CHD9: variants seen among roughly 807,000 people sequenced by gnomAD.
CHD9 encodes chromodomain helicase DNA binding protein 9, also known as ATP-dependent chromatin remodeler CHD9.
CHD9 carries 77 observed loss-of-function variants against 316.1 expected under a neutral mutation model. The ratio of observed to expected loss-of-function variants is 0.24; its 90% CI spans 0.20 to 0.29. CHD9 has a LOEUF of 0.29. CHD9 is among the 10% of genes least tolerant of loss of function. The pLI is 1.00. For missense variants in CHD9, 2,763 were observed against 3,438.1 expected (o/e 0.80, Z 4.91); for synonymous variants, 1,129 against 1,158.3 (o/e 0.97, Z 0.51).
At chr16:53,237,806 A>C (rs2048757090) in intron 11 of CHD9, among the ~76,000 whole-genome samples, 1 of 150,230 alleles carries the variant, frequency 6.7e-6, no homozygotes, top group South Asian at 2.1e-4. Context: ...TACTCATTGA[A>C]TCAGAATGTA....
chr16:53,144,446 A>G (rs1361329592), intron 1 of CHD9, among the ~76,000 whole-genome samples: 1 of 152,142 alleles, frequency 6.6e-6, no homozygotes, highest in African/African-American at 2.4e-5. Flanking sequence ...GTTTTGGGGC[A>G]ATAAAATTTC....
chr16:53,287,920 A>T (rs976840532), intron 26 of CHD9, 37 bp from the exon 27 acceptor site: 1 of 1,498,044 alleles, frequency 6.7e-7, no homozygotes, highest in Non-Finnish European at 9.3e-7. Context: ...TCTTAAGTCC[A>T]TTACAGTAAT....
chr16:53,120,528 G>A (rs758069183), intron 1 of CHD9, among the ~76,000 whole-genome samples: 11 of 151,540 alleles, frequency 7.3e-5, no homozygotes, highest in Non-Finnish European at 1.2e-4. Context: ...CAGGAGAATC[G>A]CTTGAAACCG....
chr16:53,127,870 G>C (rs1176990989), intron 1 of CHD9, among the ~76,000 whole-genome samples: 1 of 149,710 alleles, frequency 6.7e-6, no homozygotes, highest in Non-Finnish European at 1.5e-5. Flanking sequence ...GGTGTCCCGG[G>C]AGGTGGAGAT....
Position 53,254,464 on chromosome 16 carries a change from T to C in CHD9, c.3888T>C (p.Gly1296=). 1 of 1,598,804 alleles carries C rather than the reference T, an allele frequency of 6.3e-7. No homozygotes were observed. ...LQAQARCHRI[G]QNKAVKVYRL... ...CCCAAGCTCGTTGCCACAGAATTGG[T>C]CAGAACAAAGCAGTTAAAGTCTACA... The change falls in exon 18 of 39, where the codon GGT becomes GGC. Residue 1296 remains glycine (G), a synonymous_variant. Coordinates refer to ENST00000447540, the MANE Select transcript of CHD9 (RefSeq NM_001308319.2).
At chr16:53,243,540 C>T (rs1053780990) in intron 13 of CHD9, among the ~76,000 whole-genome samples, 28 of 152,206 alleles carry the variant, frequency 1.8e-4, no homozygotes, top group Non-Finnish European at 3.5e-4. Context: ...CTCGAACTCC[C>T]GACCTCAGGT....
intron 24 of CHD9, among the ~76,000 whole-genome samples, chr16:53,278,020 A>C (rs2053024906): frequency 6.6e-6 from 1 of 152,096 alleles, no homozygotes; most frequent in African/African-American, 2.4e-5. Flanking sequence ...GCCAGAAAAA[A>C]AAAAAAGGTA....
chr16:53,305,623 A>G (rs560162827), intron 31 of CHD9, among the ~76,000 whole-genome samples: 1 of 152,354 alleles, frequency 6.6e-6, no homozygotes, highest in East Asian at 1.9e-4. Context: ...TGAGAATATC[A>G]TAAGCCATTT....
At chr16:53,212,404 CAA>C (rs35876552) in intron 3 of CHD9, among the ~76,000 whole-genome samples, 43 of 124,202 alleles carry the variant, frequency 3.5e-4, no homozygotes, top group Admixed American at 3.5e-4. Flanking sequence ...GATTCCATCT[CAA>C]AAAAAAAAAA....
intron 24 of CHD9, among the ~76,000 whole-genome samples, chr16:53,275,255 T>C (rs1457706971): frequency 1.3e-5 from 2 of 152,032 alleles, no homozygotes; most frequent in African/African-American, 4.8e-5. Flanking sequence ...CTTGAACTCC[T>C]AACCTCAGGT....
chr16:53,161,886 G>A (rs529503630), intron 2 of CHD9, among the ~76,000 whole-genome samples: 2 of 152,144 alleles, frequency 1.3e-5, no homozygotes, highest in East Asian at 3.9e-4. Context: ...CAAGCAGCTT[G>A]GCACCACAGG....
chr16:53,277,076 C>CGTTT (rs2052915328), intron 24 of CHD9, among the ~76,000 whole-genome samples: 1 of 152,098 alleles, frequency 6.6e-6, no homozygotes, highest in African/African-American at 2.4e-5. Context: ...ATACCCTAAA[C>CGTTT]AGACAAAGAA....
intron 30 of CHD9, chr16:53,299,514 G>A (rs147432634): frequency 1.6e-4 from 46 of 279,584 alleles, no homozygotes; most frequent in African/African-American, 3.4e-4. Context: ...CAAAATTTAC[G>A]TTTTCTGTTT....
intron 34 of CHD9, among the ~76,000 whole-genome samples, chr16:53,310,356 T>C (rs900774923): frequency 3.3e-5 from 5 of 151,094 alleles, no homozygotes; most frequent in Admixed American, 6.6e-5. Context: ...TGGTAACAAA[T>C]GGGGAAGATA....
chr16:53,274,386 C>T (rs2052583745), intron 24 of CHD9, 84 bp downstream of exon 24: 7 of 703,944 alleles, frequency 9.9e-6, no homozygotes, highest in South Asian at 2.0e-5. Context: ...GCGATCCTCC[C>T]ACCTCTGCCT....
At position 53,156,218 on chromosome 16, in the gene CHD9, A is replaced by C; in HGVS notation, c.129A>C (p.Ala43=). Residue 43 remains alanine, a synonymous_variant, in exon 2 of 39, where the codon GCA becomes GCC. Transcript: ENST00000447540. ...VSLVDELNLG[A]EFEPLHIDSL... is the part of the protein sequence containing the mutation. The stretch of plus-strand genomic sequence containing the variant: ...TAGTTGATGAATTGAATTTGGGTGC[A>C]GAATTTGAACCGTTGCACATAGATT... The C allele has an allele frequency of 1.9e-6, 3 of 1,614,028 alleles. No homozygotes were observed. The highest frequency in any genetic ancestry group is 2.5e-6 in the Non-Finnish European group (3 of 1,179,894).
At chr16:53,189,558 T>C (rs1020373381) in intron 2 of CHD9, among the ~76,000 whole-genome samples, 1 of 150,796 alleles carries the variant, frequency 6.6e-6, no homozygotes, top group Admixed American at 6.6e-5. Flanking sequence ...ATTATATATA[T>C]TTTTTTTTCC....
rs775681341 is a variant in CHD9 at position 53,156,947 on chromosome 16, A to G, written c.858A>G (p.Leu286=). 6.2e-7 allele frequency: 1 copy of G among 1,613,488 alleles called. No individual in the cohort carries two copies. ...GTAATCATATATCACCAAACAGTCT[A>G]CTTCAGTCCTCTGCAGTTCTTGCAT... is the stretch of plus-strand genomic sequence containing the variant. ...FSSNHISPNS[L]LQSSAVLASN... The change falls in exon 2 of 39, where the codon CTA becomes CTG. Residue 286 remains leucine, a synonymous_variant. Coordinates refer to ENST00000447540, the MANE Select transcript of CHD9 (RefSeq NM_001308319.2).
intron 1 of CHD9, among the ~76,000 whole-genome samples, chr16:53,087,710 G>C (rs1205267158): frequency 6.6e-6 from 1 of 152,166 alleles, no homozygotes; most frequent in Admixed American, 6.6e-5. Flanking sequence ...CACTTTGGAA[G>C]GCCAAAGCAG....
Sources: gnomAD v4.1 joint callset for allele counts (sites outside exome capture counted in the v4.1 genomes callset) on GRCh38, gnomAD v4.1.1 for gene constraint, MANE v1.5 for transcripts, NCBI Gene and HGNC (gene_info 2026-07-23, HGNC 2026-07-21) for gene names.